ANO1: variants seen among roughly 807,000 people sequenced by gnomAD.
ANO1 encodes anoctamin-1.
A neutral mutation model predicts 124.0 loss-of-function variants in ANO1; 59 were observed. The observed-to-expected ratio is 0.48, with a 90% CI of 0.39 to 0.59. The LOEUF (loss-of-function observed/expected upper bound fraction) is 0.59, where lower values mean the gene tolerates loss of function less well. Among genes scored for constraint, ANO1 ranks in the 20% least tolerant of loss-of-function variants. The pLI, the probability that ANO1 is intolerant of heterozygous loss-of-function variation, is 0.00. For synonymous variants in ANO1, 529 were observed against 532.0 expected (o/e 0.99, Z 0.08); for missense variants, 1,059 against 1,328.0 (o/e 0.80, Z 3.15).
rs773155900 is a variant in ANO1, at chr11:70,155,917, C to G, written c.1432C>G (p.Arg478Gly). The G allele has an allele frequency of 4.5e-6, 7 of 1,540,986 alleles. No individual in the cohort carries two copies. In the South Asian group the frequency reaches 8.5e-5, roughly 19 times the overall value. ...KKESRNKEKR[R>G]HIPEESTNKW... is the part of the protein sequence containing the mutation. The stretch of plus-strand genomic sequence containing the variant: ...TTCCCCCACCCCCCCTCAGAAGCGC[C>G]GGCATATTCCAGAGGAGTCAACAAA... The change falls in exon 15 of 26, where the codon CGG becomes GGG. Residue 478 changes from arginine to glycine, a missense_variant. Physicochemically the swap from Arg to Gly is moderately radical, Grantham distance 125. Transcript: ENST00000355303.
At chr11:70,067,304 G>A (rs1857751904) in intron 1 of ANO1, among the ~76,000 whole-genome samples, 1 of 151,334 alleles carries the variant, frequency 6.6e-6, no homozygotes, top group Non-Finnish European at 1.5e-5. Context: ...CAGCTCCAAG[G>A]GGACAAGGAA....
At chr11:70,139,147 C>T (rs1252321707) in intron 11 of ANO1, among the ~76,000 whole-genome samples, 5 of 152,094 alleles carry the variant, frequency 3.3e-5, no homozygotes, top group South Asian at 2.1e-4. Context: ...CTGGTGTATA[C>T]GGACCACATA....
intron 1 of ANO1, among the ~76,000 whole-genome samples, chr11:70,005,022 A>G (rs1321996708): frequency 1.3e-5 from 2 of 150,274 alleles, no homozygotes; most frequent in Non-Finnish European, 3.0e-5. Context: ...CTGAGGCAGG[A>G]GAATTGCTAG....
the ANO1 span, among the ~76,000 whole-genome samples, chr11:69,966,855 G>C: frequency 1.3e-5 from 2 of 152,302 alleles, no homozygotes; most frequent in Middle Eastern, 3.4e-3. Context: ...GGCAGGGCCT[G>C]ACAGTGGGTG....
rs1365291660 is a variant in ANO1 at position 70,058,548 on chromosome 11, G to C, written c.59-19994G>C. On this transcript the variant is annotated intron_variant, in intron 1 of 27. Transcript: ENST00000531349. ...AGGTTGTGAGAAGATTAGCAGCCTG[G>C]TGAATTTTCTGTCTAGCCTGCTGGA... 5.3e-5 allele frequency among the ~76,000 whole-genome samples: 8 copies of C among 152,172 alleles called. No individual in the cohort carries two copies. The South Asian group carries it at 1.0e-3, about 20-fold the overall frequency.
chr11:70,070,311 T>C (rs1379542163), intron 1 of ANO1, among the ~76,000 whole-genome samples: 1 of 152,130 alleles, frequency 6.6e-6, no homozygotes, highest in Non-Finnish European at 1.5e-5. Flanking sequence ...TGAAGCGAAC[T>C]CCTCTGCAGA....
chr11:70,135,027 TCGG>T (rs2046901150), intron 11 of ANO1, among the ~76,000 whole-genome samples: 1 of 151,898 alleles, frequency 6.6e-6, no homozygotes, highest in Non-Finnish European at 1.5e-5. Context: ...TATGCTCGAG[TCGG>T]AGACCGCAAG....
upstream of ANO1, among the ~76,000 whole-genome samples, chr11:70,074,260 A>C (rs2044025050): frequency 6.6e-6 from 1 of 151,966 alleles, no homozygotes; most frequent in Admixed American, 6.6e-5. Flanking sequence ...AGTCAACAGC[A>C]CTTATTAAAC....
chr11:70,146,997 A>G (rs543301743), intron 11 of ANO1, among the ~76,000 whole-genome samples: 9 of 152,276 alleles, frequency 5.9e-5, no homozygotes, highest in African/African-American at 2.2e-4. Flanking sequence ...CTGTAGCAAC[A>G]CCTTCACAGA....
intron 22 of ANO1, among the ~76,000 whole-genome samples, chr11:70,174,160 G>C (rs559870661): frequency 1.3e-5 from 2 of 151,310 alleles, no homozygotes; most frequent in Admixed American, 1.3e-4. Flanking sequence ...GGATGGTCTC[G>C]ATCTCCTGAC....
rs140754946 is a variant in ANO1, at chr11:70,138,468, T to C, written c.1258+6389T>C. 8.7e-3 allele frequency among the ~76,000 whole-genome samples: 1,302 copies of C among 149,552 alleles called. 10 individuals are homozygous for C. The highest frequency in any genetic ancestry group is 0.013 in the Non-Finnish European group (860 of 67,700). ...TCGCAGTGAGCCAAGATCACGCCATTGCACTCCAGCCTGGGCAAAAAGAGT... is the reference window on the plus strand; with the variant it reads ...TCGCAGTGAGCCAAGATCACGCCATCGCACTCCAGCCTGGGCAAAAAGAGT... On this transcript the variant is annotated intron_variant, in intron 11 of 25. Coordinates refer to ENST00000355303, the MANE Select transcript of ANO1 (RefSeq NM_018043.7).
intron 22 of ANO1, among the ~76,000 whole-genome samples, chr11:70,174,787 C>T (rs890710844): frequency 6.6e-6 from 1 of 152,116 alleles, no homozygotes; most frequent in Non-Finnish European, 1.5e-5. Context: ...TACCGAAGAC[C>T]CCAAAAGGGG....
At chr11:70,085,650 T>A in intron 1 of ANO1, 1 of 1,513,940 alleles carries the variant, frequency 6.6e-7, no homozygotes, top group Non-Finnish European at 8.8e-7. Context: ...TCTAGACCCT[T>A]GACATCAACA....
rs782588506 is a variant in ANO1, at chr11:70,034,532, TAGAAG to T, written c.59-44002_59-43998del. Among the ~76,000 whole-genome samples the T allele has an allele frequency of 7.9e-5, 12 of 152,212 alleles. No homozygotes were observed. The East Asian group carries it at 9.6e-4, about 12-fold the overall frequency. ...AAAAAACCAACAAAAATTATTCATC[TAGAAG>T]AGAAGAGGAGCAATTATGCATTGAT... On this transcript the variant is annotated intron_variant, in intron 1 of 27. Transcript: ENST00000531349.
At chr11:70,106,550 G>C (rs1347395722) in intron 5 of ANO1, among the ~76,000 whole-genome samples, 1 of 152,178 alleles carries the variant, frequency 6.6e-6, no homozygotes, top group South Asian at 2.1e-4. Flanking sequence ...GGTGCAGGTC[G>C]TACCAGCACG....
At chr11:70,179,377 G>A (rs981867796) in intron 22 of ANO1, among the ~76,000 whole-genome samples, 6 of 152,196 alleles carry the variant, frequency 3.9e-5, no homozygotes, top group Non-Finnish European at 1.5e-5. Flanking sequence ...TCCTTCCTGG[G>A]CCCTGCTAGT....
At chr11:70,004,374 C>T (rs1856444109) in intron 1 of ANO1, among the ~76,000 whole-genome samples, 2 of 152,350 alleles carry the variant, frequency 1.3e-5, no homozygotes, top group Admixed American at 6.5e-5. Context: ...TGTGACCACA[C>T]GCCGGATGCT....
chr11:70,065,141 ATTT>A (rs200556718), intron 1 of ANO1: 5 of 151,506 alleles, frequency 3.3e-5, no homozygotes, highest in East Asian at 1.9e-4. Flanking sequence ...TGTAGCTCTG[ATTT>A]TTTTTTCTTA....
chr11:70,060,407 A>G (rs1555007597), intron 1 of ANO1, among the ~76,000 whole-genome samples: 1 of 152,182 alleles, frequency 6.6e-6, no homozygotes, highest in Non-Finnish European at 1.5e-5. Context: ...TGGGTTTGGA[A>G]TTGGAAGAAC....
Sources: gnomAD v4.1 joint callset for allele counts (sites outside exome capture counted in the v4.1 genomes callset) on GRCh38, gnomAD v4.1.1 for gene constraint, MANE v1.5 for transcripts, NCBI Gene and HGNC (gene_info 2026-07-23, HGNC 2026-07-21) for gene names.